LUZP2: variants seen among roughly 807,000 people sequenced by gnomAD.
The protein encoded by LUZP2 is leucine zipper protein 2.
Under a neutral mutation model 51.6 loss-of-function variants are expected in LUZP2, and 52 were observed. The observed-to-expected ratio is 1.01, with a 90% CI of 0.81 to 1.27. The LOEUF (loss-of-function observed/expected upper bound fraction) is 1.27, where lower values mean the gene tolerates loss of function less well. Ranked by LOEUF, LUZP2 falls within the 50% of genes most tolerant of loss-of-function variation. LUZP2 has a pLI of 0.00. For synonymous variants in LUZP2, 154 were observed against 137.3 expected, an observed-to-expected ratio of 1.12 and a Z score of -0.85; for missense variants, 436 against 395.4, an observed-to-expected ratio of 1.10 and a Z score of -0.87.
intron 9 of LUZP2, among the ~76,000 whole-genome samples, chr11:25,037,744 T>C (rs1288732006): frequency 6.6e-6 from 1 of 152,276 alleles, no homozygotes; most frequent in East Asian, 1.9e-4. Context: ...TATGAAATTC[T>C]TGTTGGATTT....
intron 1 of LUZP2, among the ~76,000 whole-genome samples, chr11:24,553,837 C>A (rs1393276204): frequency 6.6e-6 from 1 of 152,078 alleles, no homozygotes; most frequent in Admixed American, 6.6e-5. Flanking sequence ...GCAGGAAAAT[C>A]TTCTTAGTGG....
At chr11:24,614,658 C>A (rs1405891553) in intron 1 of LUZP2, among the ~76,000 whole-genome samples, 2 of 151,910 alleles carry the variant, frequency 1.3e-5, no homozygotes, top group Non-Finnish European at 2.9e-5. Flanking sequence ...CTTTGTACTG[C>A]ATTTTCCCTC....
At chr11:24,951,132 T>C (rs1434709770) in intron 7 of LUZP2, among the ~76,000 whole-genome samples, 1 of 151,546 alleles carries the variant, frequency 6.6e-6, no homozygotes, top group East Asian at 1.9e-4. Context: ...TACATTATCT[T>C]ATGTAGATTT....
intron 7 of LUZP2, among the ~76,000 whole-genome samples, chr11:24,924,906 T>G (rs1325664786): frequency 6.6e-6 from 1 of 152,130 alleles, no homozygotes; most frequent in Non-Finnish European, 1.5e-5. Flanking sequence ...TTTTTTAATA[T>G]GCAGATGAAG....
chr11:24,583,706 C>CT (rs34143667), intron 1 of LUZP2, among the ~76,000 whole-genome samples: 26,026 of 141,286 alleles, frequency 0.18, 2,658 homozygotes, highest in Middle Eastern at 0.34. Context: ...GTATACCTTA[C>CT]TTTTTTTTTT....
intron 5 of LUZP2, among the ~76,000 whole-genome samples, chr11:24,822,398 T>A (rs983772248): frequency 6.6e-6 from 1 of 152,146 alleles, no homozygotes; most frequent in African/African-American, 2.4e-5. Context: ...TTTGTATATA[T>A]CCTTTTGTGA....
intron 1 of LUZP2, among the ~76,000 whole-genome samples, chr11:24,598,059 C>G (rs1853502020): frequency 6.6e-6 from 1 of 151,308 alleles, no homozygotes; most frequent in Admixed American, 6.6e-5. Flanking sequence ...AGAGATTGCG[C>G]CATTGCACTC....
chr11:24,778,875 G>A (rs76214611), intron 5 of LUZP2, among the ~76,000 whole-genome samples: 6,879 of 152,216 alleles, frequency 0.045, 228 homozygotes, highest in Middle Eastern at 0.088. Context: ...TTCTTAGTCT[G>A]TAGAGACAAT....
At chr11:24,833,240 G>C (rs1407549955) in intron 5 of LUZP2, among the ~76,000 whole-genome samples, 1 of 152,142 alleles carries the variant, frequency 6.6e-6, no homozygotes, top group East Asian at 1.9e-4. Flanking sequence ...GCTGTAAACT[G>C]ATTTCTATCT....
chr11:25,072,560 G>C (rs114218829), intron 10 of LUZP2, among the ~76,000 whole-genome samples: 105 of 152,178 alleles, frequency 6.9e-4, no homozygotes, highest in African/African-American at 2.5e-3. Flanking sequence ...TACTGCAATA[G>C]TTTTCGATAA....
At chr11:25,052,309 G>C (rs934052054) in intron 10 of LUZP2, among the ~76,000 whole-genome samples, 1 of 152,156 alleles carries the variant, frequency 6.6e-6, no homozygotes, top group Non-Finnish European at 1.5e-5. Context: ...GTACTTCTTA[G>C]CTCTGTCTCC....
At chr11:25,039,058 AC>A (rs1331735674) in intron 9 of LUZP2, among the ~76,000 whole-genome samples, 1 of 151,832 alleles carries the variant, frequency 6.6e-6, no homozygotes, top group Non-Finnish European at 1.5e-5. Flanking sequence ...GAGAGAGGTA[AC>A]CCCCCTCACC....
rs540325774 is a variant in LUZP2, at chr11:24,891,466, T to G, written c.397-14525T>G. 348 of 946,228 alleles carry G rather than the reference T, an allele frequency of 3.7e-4. 3 individuals carry two copies. The African/African-American group carries it at 5.9e-3, about 16-fold the overall frequency. 58.6% of individuals were successfully genotyped at this position (946,228 alleles called of 1,614,324 possible). On this transcript the variant is annotated intron_variant, in intron 5 of 11. Transcript: ENST00000336930. ...CTTTTGGTTCCTAATAAGGGAAGAT[T>G]TAAATACTTTACTATAAAGCTATAT... is the stretch of plus-strand genomic sequence containing the variant.
intron 1 of LUZP2, among the ~76,000 whole-genome samples, chr11:24,624,180 T>A (rs1259521626): frequency 6.6e-6 from 1 of 152,180 alleles, no homozygotes; most frequent in Admixed American, 6.5e-5. Flanking sequence ...AGAAAAATAC[T>A]AATCACAATG....
chr11:24,872,336 T>C (rs1322673019), intron 5 of LUZP2, among the ~76,000 whole-genome samples: 1 of 152,184 alleles, frequency 6.6e-6, no homozygotes, highest in African/African-American at 2.4e-5. Flanking sequence ...TTATGGGTAC[T>C]TATATCCATC....
chr11:24,826,059 G>C (rs1291853131), intron 5 of LUZP2, among the ~76,000 whole-genome samples: 1 of 150,132 alleles, frequency 6.7e-6, no homozygotes, highest in Non-Finnish European at 1.5e-5. Context: ...TGTAGTCCCA[G>C]CTACTACTCG....
intron 1 of LUZP2, among the ~76,000 whole-genome samples, chr11:24,566,881 CATATATACATATTTATAT>C (rs1410880669): frequency 5.0e-4 from 55 of 109,368 alleles, no homozygotes; most frequent in Non-Finnish European, 9.4e-4. Context: ...ATATTTATAA[CATATATACATATTTATAT>C]ATGTTATATA....
chr11:24,926,273 GTGTATATATATATACGTGTGTATATATA>G lies in LUZP2; in HGVS notation c.522+11737_522+11764del, dbSNP rs1565118720. On this transcript the variant is annotated intron_variant, in intron 7 of 11. Coordinates refer to ENST00000336930, the MANE Select transcript of LUZP2 (RefSeq NM_001009909.4). ...TATATACGTGTGTGTATATATATAC[GTGTATATATATATACGTGTGTATATATA>G]TACGTGTGTATATATATACGTGTGT... 1.9e-4 allele frequency among the ~76,000 whole-genome samples: 21 copies of G among 111,624 alleles called. 1 individual carries two copies. The highest frequency in any genetic ancestry group is 4.2e-4 in the African/African-American group (11 of 26,068). The allele number at this position is 111,624 out of a possible 152,430, so 73.2% of individuals were successfully genotyped here.
intron 10 of LUZP2, among the ~76,000 whole-genome samples, chr11:25,074,478 TGTA>T (rs1415774333): frequency 2.0e-5 from 3 of 152,268 alleles, no homozygotes; most frequent in South Asian, 2.1e-4. Flanking sequence ...AATGTTGAAA[TGTA>T]GTAAGTTTTC....
Sources: gnomAD v4.1 joint callset for allele counts (sites outside exome capture counted in the v4.1 genomes callset) on GRCh38, gnomAD v4.1.1 for gene constraint, MANE v1.5 for transcripts, NCBI Gene and HGNC (gene_info 2026-07-23, HGNC 2026-07-21) for gene names.